CDH13: variants seen among roughly 807,000 people sequenced by gnomAD.
CDH13 encodes the protein cadherin 13, also known as cadherin-13.
In CDH13, 24 loss-of-function variants were observed where a neutral mutation model predicts 63.8. That is an observed-to-expected ratio of 0.38 (90% CI 0.27 to 0.53). The LOEUF is 0.53. CDH13 is among the 20% of genes least tolerant of loss of function. CDH13 has a pLI of 0.85. For synonymous variants in CDH13, 503 were observed against 355.3 expected, an observed-to-expected ratio of 1.42 and a Z score of -4.67; for missense variants, 1,049 against 903.1, an observed-to-expected ratio of 1.16 and a Z score of -2.07.
At chr16:83,503,881 A>G (rs2074339490) in intron 7 of CDH13, among the ~76,000 whole-genome samples, 1 of 151,774 alleles carries the variant, frequency 6.6e-6, no homozygotes. Context: ...TGCTGTGCAG[A>G]AGCTCTTTAG....
At chr16:83,775,151 G>A (rs455617) in intron 11 of CDH13, among the ~76,000 whole-genome samples, 28,398 of 151,584 alleles carry the variant, frequency 0.19, 2,870 homozygotes, top group South Asian at 0.23. Flanking sequence ...TGACACTCAC[G>A]GTGTCCATTT....
chr16:83,618,945 T>G (rs1330236493), intron 8 of CDH13, among the ~76,000 whole-genome samples: 1 of 152,214 alleles, frequency 6.6e-6, no homozygotes, highest in Non-Finnish European at 1.5e-5. Context: ...TGCAAACTAC[T>G]ATCTATTTCA....
chr16:83,635,788 G>A (rs1168171659), intron 8 of CDH13, among the ~76,000 whole-genome samples: 2 of 152,022 alleles, frequency 1.3e-5, no homozygotes, highest in South Asian at 2.1e-4. Flanking sequence ...ATCTTTCACA[G>A]AACAAAAGTT....
chr16:83,380,831 GTT>G lies in CDH13; in HGVS notation c.781+35839_781+35840del, dbSNP rs200970706. On this transcript the variant is annotated intron_variant, in intron 6 of 13. Coordinates refer to ENST00000567109, the MANE Select transcript of CDH13 (RefSeq NM_001257.5). ...GTTTCATTAGGGCACATTACCCAAG[GTT>G]TTTTTTTTTTTTTCCTTTAATTAAG... Among the ~76,000 whole-genome samples, 160 of 142,638 alleles carry G rather than the reference GTT, an allele frequency of 1.1e-3. 2 individuals carry two copies. The highest frequency in any genetic ancestry group is 7.2e-3 in the Middle Eastern group (2 of 276). 93.6% of individuals were successfully genotyped at this position (142,638 alleles called of 152,430 possible).
chr16:83,237,094 A>G (rs1044416832), intron 5 of CDH13, among the ~76,000 whole-genome samples: 7 of 152,174 alleles, frequency 4.6e-5, no homozygotes, highest in Non-Finnish European at 8.8e-5. Flanking sequence ...GTTCCGCCAC[A>G]TTCTTCAGGG....
intron 4 of CDH13, among the ~76,000 whole-genome samples, chr16:83,138,650 A>G (rs769286987): frequency 3.9e-5 from 6 of 152,172 alleles, no homozygotes; most frequent in Non-Finnish European, 7.3e-5. Context: ...TACTGTATGG[A>G]ATTTGGACCT....
intron 2 of CDH13, among the ~76,000 whole-genome samples, chr16:82,907,097 C>G (rs554322558): frequency 2.6e-4 from 40 of 152,296 alleles, no homozygotes; most frequent in African/African-American, 9.1e-4. Flanking sequence ...TTTAATTGGC[C>G]TCTTATTCAA....
chr16:83,733,491 C>T (rs1248463355), intron 10 of CDH13, among the ~76,000 whole-genome samples: 1 of 152,194 alleles, frequency 6.6e-6, no homozygotes, highest in Non-Finnish European at 1.5e-5. Flanking sequence ...CTCTAAGTAC[C>T]TCCTTGCTTG....
intron 5 of CDH13, among the ~76,000 whole-genome samples, chr16:83,250,675 A>G (rs1905418616): frequency 6.6e-6 from 1 of 152,112 alleles, no homozygotes; most frequent in Admixed American, 6.5e-5. Context: ...GGGAGATAGG[A>G]TTGTTTAGTG....
At chr16:83,265,677 G>A (rs74434605) in intron 5 of CDH13, among the ~76,000 whole-genome samples, 11,528 of 141,496 alleles carry the variant, frequency 0.081, 501 homozygotes, top group East Asian at 0.19. Flanking sequence ...TCATTTACAG[G>A]TGTTTGGGTT....
intron 11 of CDH13, among the ~76,000 whole-genome samples, chr16:83,772,352 T>C (rs765286495): frequency 6.6e-6 from 1 of 152,124 alleles, no homozygotes; most frequent in Non-Finnish European, 1.5e-5. Flanking sequence ...GTGGTCATCT[T>C]GGAAATATGT....
rs1277479506 is a variant in CDH13 at position 82,687,466 on chromosome 16, T to C, written c.45+60329T>C. ...TAATGGACTTACAGTTCCACATGGC[T>C]GGGGAGGCCTCACAATCATGGCAGA... On this transcript the variant is annotated intron_variant, in intron 1 of 13. Transcript: ENST00000567109. Among the ~76,000 whole-genome samples, 3 of 152,054 alleles carry C rather than the reference T, an allele frequency of 2.0e-5. No homozygotes were observed. The East Asian group carries it at 5.8e-4, about 29-fold the overall frequency.
intron 3 of CDH13, among the ~76,000 whole-genome samples, chr16:83,043,212 C>A (rs939626627): frequency 6.6e-6 from 1 of 151,986 alleles, no homozygotes; most frequent in East Asian, 1.9e-4. Flanking sequence ...AAATAGATAA[C>A]AGATTACTTT....
intron 11 of CDH13, among the ~76,000 whole-genome samples, chr16:83,763,045 AT>A (rs1914102525): frequency 6.6e-6 from 1 of 152,188 alleles, no homozygotes; most frequent in Non-Finnish European, 1.5e-5. Context: ...TCTTTATATG[AT>A]TATCAAACGC....
chr16:82,953,260 C>G (rs988105502), intron 2 of CDH13: 2 of 152,116 alleles, frequency 1.3e-5, no homozygotes, highest in Non-Finnish European at 2.9e-5. Flanking sequence ...ATTTTCTCAT[C>G]ATATACAGAA....
chr16:83,331,308 T>G (rs2090475519), intron 5 of CDH13, among the ~76,000 whole-genome samples: 1 of 152,226 alleles, frequency 6.6e-6, no homozygotes, highest in Non-Finnish European at 1.5e-5. Flanking sequence ...TTCTGTCAGG[T>G]GCATTGAGAC....
chr16:82,722,039 C>G (rs1453521221), intron 1 of CDH13, among the ~76,000 whole-genome samples: 2 of 152,120 alleles, frequency 1.3e-5, no homozygotes, highest in African/African-American at 2.4e-5. Context: ...CATCGGGAGG[C>G]AGGGATGGGA....
At chr16:82,861,250 C>T (rs1395894886) in intron 2 of CDH13, among the ~76,000 whole-genome samples, 1 of 152,230 alleles carries the variant, frequency 6.6e-6, no homozygotes, top group Non-Finnish European at 1.5e-5. Context: ...GTGCCCTACT[C>T]ATGACATTTG....
At chr16:82,925,719 G>A (rs1477119581) in intron 2 of CDH13, among the ~76,000 whole-genome samples, 2 of 152,168 alleles carry the variant, frequency 1.3e-5, no homozygotes, top group Non-Finnish European at 1.5e-5. Flanking sequence ...CACAGCCCAT[G>A]AATTTAAAAC....
Sources: allele counts gnomAD v4.1 joint callset (sites outside exome capture counted in the v4.1 genomes callset), GRCh38; gene constraint gnomAD v4.1.1; transcripts MANE v1.5; gene names NCBI Gene and HGNC (gene_info 2026-07-23, HGNC 2026-07-21).